The following RBFOX1 variants were observed in gnomAD, a reference collection of about 807,000 sequenced individuals.
The protein encoded by RBFOX1 is RNA binding protein fox-1 homolog 1.
In RBFOX1, 8 loss-of-function variants were observed where a neutral mutation model predicts 57.7. The observed-to-expected ratio is 0.14, with a 90% confidence interval of 0.08 to 0.25. The LOEUF (loss-of-function observed/expected upper bound fraction) is 0.25, where lower values mean the gene tolerates loss of function less well. RBFOX1 is among the 10% of genes least tolerant of loss of function. The probability of loss-of-function intolerance (pLI) is 1.00; values close to 1 mark genes in which losing one functional copy is unlikely to be tolerated. For missense variants in RBFOX1, 611 were observed against 548.5 expected, an observed-to-expected ratio of 1.11 and a Z score of -1.14; for synonymous variants, 326 against 222.4, an observed-to-expected ratio of 1.47 and a Z score of -4.15.
chr16:6,386,108 T>C (rs1215342184), intron 2 of RBFOX1, among the ~76,000 whole-genome samples: 1 of 152,106 alleles, frequency 6.6e-6, no homozygotes, highest in Non-Finnish European at 1.5e-5. Context: ...GCTAACTTTT[T>C]GTATTTTTAG....
At chr16:6,615,938 C>A (rs1285459830) in intron 2 of RBFOX1, among the ~76,000 whole-genome samples, 2 of 152,196 alleles carry the variant, frequency 1.3e-5, no homozygotes, top group Non-Finnish European at 2.9e-5. Flanking sequence ...CAGAAACTAT[C>A]TGTGAACAGT....
chr16:5,404,467 G>T (rs2066807165), intron 1 of RBFOX1, among the ~76,000 whole-genome samples: 1 of 152,166 alleles, frequency 6.6e-6, no homozygotes, highest in Non-Finnish European at 1.5e-5. Flanking sequence ...CCCGATCAGT[G>T]ATCTCTGTGG....
rs1282520448 is a variant in RBFOX1, at chr16:5,840,296, A to G, written c.319-27007A>G. 9.0e-4 allele frequency among the ~76,000 whole-genome samples: 137 copies of G among 152,208 alleles called. 2 individuals are homozygous for G. Among genetic ancestry groups the G allele is most frequent in the Non-Finnish European group, 7.3e-5 (5 of 68,050 alleles). On this transcript the variant is annotated intron_variant, in intron 3 of 19. Coordinates refer to the RBFOX1 transcript ENST00000641259. ...TCCTTGGTTGAACCAGAGGCAGAAC[A>G]TCTGCATGGCAGTGAATCACACAGC...
chr16:7,109,358 C>G (rs1567291567), intron 4 of RBFOX1, among the ~76,000 whole-genome samples: 2 of 152,166 alleles, frequency 1.3e-5, no homozygotes, highest in South Asian at 2.1e-4. Flanking sequence ...ACCAAACCCT[C>G]TCACCAGATT....
At chr16:5,397,473 G>C (rs1186456238) in intron 1 of RBFOX1, among the ~76,000 whole-genome samples, 1 of 152,214 alleles carries the variant, frequency 6.6e-6, no homozygotes, top group African/African-American at 2.4e-5. Flanking sequence ...TACTTGCCAA[G>C]TCTATGGACG....
chr16:6,614,528 G>A (rs948846033), intron 2 of RBFOX1, among the ~76,000 whole-genome samples: 2 of 152,180 alleles, frequency 1.3e-5, no homozygotes, highest in African/African-American at 4.8e-5. Context: ...TGCTGTAACT[G>A]AGTATCACAG....
At chr16:7,174,329 A>G (rs1213759754) in intron 4 of RBFOX1, among the ~76,000 whole-genome samples, 1 of 152,196 alleles carries the variant, frequency 6.6e-6, no homozygotes, top group African/African-American at 2.4e-5. Context: ...TTATTGATGG[A>G]TACGTGGATT....
intron 3 of RBFOX1, among the ~76,000 whole-genome samples, chr16:7,038,906 C>G (rs1053078828): frequency 3.3e-5 from 5 of 152,192 alleles, no homozygotes; most frequent in Non-Finnish European, 7.3e-5. Flanking sequence ...GAGGTTTGTT[C>G]AAATTCTGTG....
At chr16:7,230,187 TA>T (rs143747264) in intron 4 of RBFOX1, among the ~76,000 whole-genome samples, 4,314 of 151,778 alleles carry the variant, frequency 0.028, 188 homozygotes, top group African/African-American at 0.098. Context: ...CTTTTTTTTT[TA>T]ATTGGACATC....
chr16:5,638,430 T>G (rs1164381432), intron 3 of RBFOX1, among the ~76,000 whole-genome samples: 3 of 152,136 alleles, frequency 2.0e-5, no homozygotes, highest in Non-Finnish European at 4.4e-5. Flanking sequence ...GTAACCATGA[T>G]GATTGAATAA....
At chr16:6,808,808 A>G (rs1347924819) in intron 3 of RBFOX1, among the ~76,000 whole-genome samples, 1 of 152,156 alleles carries the variant, frequency 6.6e-6, no homozygotes, top group Non-Finnish European at 1.5e-5. Context: ...GTCATAACAT[A>G]CAATATCTCT....
At chr16:6,853,192 C>T (rs527966683) in intron 3 of RBFOX1, among the ~76,000 whole-genome samples, 6 of 152,110 alleles carry the variant, frequency 3.9e-5, no homozygotes, top group Non-Finnish European at 8.8e-5. Flanking sequence ...GAGACTAATA[C>T]TGGTGTTTAC....
intron 1 of RBFOX1, among the ~76,000 whole-genome samples, chr16:6,149,518 C>T (rs1382505421): frequency 1.3e-5 from 2 of 152,236 alleles, no homozygotes; most frequent in East Asian, 3.9e-4. Flanking sequence ...TTACATAAGG[C>T]CCCAGAAATT....
In RBFOX1 at chr16:7,071,695, T is replaced by C. The variant is rs558170588; in HGVS notation, c.27+19597T>C. ...TATATATATTTTCCCAGTATTGAAA[T>C]ACTACCTGAATTCTAGGTCCCTATA... On this transcript the variant is annotated intron_variant, in intron 4 of 15. Transcript: ENST00000550418. 3.9e-5 allele frequency among the ~76,000 whole-genome samples: 6 copies of C among 152,076 alleles called. No homozygotes were observed. The South Asian group carries it at 1.2e-3, about 32-fold the overall frequency.
intron 4 of RBFOX1, among the ~76,000 whole-genome samples, chr16:7,327,621 T>C (rs73561886): frequency 0.026 from 3,977 of 152,304 alleles, 141 homozygotes; most frequent in African/African-American, 0.081. Context: ...TCTTTTTAGA[T>C]AGCTTTTTAG....
At chr16:5,443,017 G>A (rs986976444) in intron 1 of RBFOX1, among the ~76,000 whole-genome samples, 2 of 152,168 alleles carry the variant, frequency 1.3e-5, no homozygotes, top group African/African-American at 4.8e-5. Context: ...CTCAAGCCAA[G>A]GAGTGCCAGG....
chr16:5,985,668 A>G (rs111802693), intron 4 of RBFOX1, among the ~76,000 whole-genome samples: 191 of 152,266 alleles, frequency 1.3e-3, no homozygotes, highest in African/African-American at 4.4e-3. Context: ...CTCTTCCTCC[A>G]TCTTGCCATT....
intron 5 of RBFOX1, among the ~76,000 whole-genome samples, chr16:7,520,444 C>A (rs2077294037): frequency 6.6e-6 from 1 of 152,164 alleles, no homozygotes; most frequent in Non-Finnish European, 1.5e-5. Context: ...TCTCCCCGGC[C>A]CCTGGCAACC....
In RBFOX1 at chr16:5,376,788, A is replaced by G. The variant is rs533785604; in HGVS notation, c.220-90428A>G. Among the ~76,000 whole-genome samples, 2 of 151,674 alleles carry G rather than the reference A, an allele frequency of 1.3e-5. 1 individual carries two copies. Among genetic ancestry groups the G allele is most frequent in the South Asian group, 4.2e-4 (2 of 4,812 alleles). The stretch of plus-strand genomic sequence containing the variant: ...CTTTCTTTCCTTCCAAGCTTGGGGT[A>G]GACCAGAAGTGTCAGAGATAAAGTC... On this transcript the variant is annotated intron_variant, in intron 1 of 2. Coordinates refer to the RBFOX1 transcript ENST00000585867.
Sources: allele counts gnomAD v4.1 joint callset (sites outside exome capture counted in the v4.1 genomes callset), GRCh38; gene constraint gnomAD v4.1.1; transcripts MANE v1.5; gene names NCBI Gene and HGNC (gene_info 2026-07-23, HGNC 2026-07-21).